Variants in CTBS observed in about 807,000 individuals in gnomAD.
CTBS encodes the protein di-N-acetylchitobiase.
Under a neutral mutation model 44.3 loss-of-function variants are expected in CTBS, and 35 were observed. The ratio of observed to expected loss-of-function variants is 0.79; its 90% CI spans 0.60 to 1.05. The LOEUF (loss-of-function observed/expected upper bound fraction) is 1.05, where lower values mean the gene tolerates loss of function less well. Ranked by LOEUF, CTBS falls within the 50% of genes least tolerant of loss-of-function variation. CTBS has a pLI of 0.00. For missense variants in CTBS, 458 were observed against 475.3 expected, an observed-to-expected ratio of 0.96 and a Z score of 0.34; for synonymous variants, 143 against 168.0, an observed-to-expected ratio of 0.85 and a Z score of 1.15.
At position 84,554,971 on chromosome 1, in the gene CTBS, T is replaced by C. The variant is rs775834132; in HGVS notation, c.*28A>G. 2 of 1,584,196 alleles carry C rather than the reference T, an allele frequency of 1.3e-6. No homozygotes were observed. The highest frequency in any genetic ancestry group is 2.2e-5 in the South Asian group (2 of 90,102). ...GATCTGTTGATACAGATCATCTTTC[T>C]AACTCTTAATGGTTTGACAAAAGAT... On this transcript the variant is annotated 3_prime_UTR_variant, in exon 7 of 7. Coordinates refer to ENST00000370630, the MANE Select transcript of CTBS (RefSeq NM_004388.3).
intron 1 of CTBS, among the ~76,000 whole-genome samples, chr1:84,573,298 A>G (rs552095429): frequency 6.6e-6 from 1 of 152,368 alleles, no homozygotes; most frequent in South Asian, 2.1e-4. Context: ...CCATGCTACT[A>G]AAGCAGACCT....
chr1:84,563,457 T>C, intron 5 of CTBS, 39 bp from the exon 6 acceptor site: 1 of 1,383,184 alleles, frequency 7.2e-7, no homozygotes, highest in Non-Finnish European at 9.5e-7. Context: ...TATTATCAAT[T>C]ATGCAATTCT....
In CTBS at chr1:84,551,033, G is replaced by C; in HGVS notation, c.*3966C>G. The C allele has an allele frequency of 1.0e-6, 1 of 985,232 alleles. No homozygotes were observed. Among genetic ancestry groups the C allele is most frequent in the Non-Finnish European group, 1.2e-6 (1 of 829,862 alleles). 61.0% of individuals were successfully genotyped at this position (985,232 alleles called of 1,614,324 possible). The stretch of plus-strand genomic sequence containing the variant: ...TTAGTTAACTTTGTTTCTCCCATGG[G>C]ACCTTTTGTATAGCAGATGCTTAGT... On this transcript the variant is annotated 3_prime_UTR_variant, in exon 7 of 7. Transcript: ENST00000370630.
intron 6 of CTBS, among the ~76,000 whole-genome samples, chr1:84,562,864 A>G (rs1338355844): frequency 1.3e-5 from 2 of 152,118 alleles, no homozygotes. Context: ...TCCCTATGTA[A>G]GTCTCATCAG....
At chr1:84,573,864 ATTCT>A in intron 1 of CTBS, 1 of 1,097,684 alleles carries the variant, frequency 9.1e-7, no homozygotes, top group Non-Finnish European at 1.1e-6. Flanking sequence ...GAGTGCTGAG[ATTCT>A]TTCAAACGAA....
intron 1 of CTBS, 40 bp downstream of exon 1, chr1:84,574,199 C>T (rs1386559881): frequency 6.3e-7 from 1 of 1,589,614 alleles, no homozygotes; most frequent in African/African-American, 1.3e-5. Context: ...CTCTTCGTGC[C>T]CTGAAGCCCA....
chr1:84,556,403 G>A (rs1684429640), intron 6 of CTBS, among the ~76,000 whole-genome samples: 1 of 152,236 alleles, frequency 6.6e-6, no homozygotes, highest in African/African-American at 2.4e-5. Context: ...CCTGGAATTA[G>A]AATAGTCTCT....
intron 3 of CTBS, among the ~76,000 whole-genome samples, chr1:84,567,899 C>T (rs1570474581): frequency 1.3e-5 from 2 of 152,128 alleles, no homozygotes; most frequent in South Asian, 4.1e-4. Flanking sequence ...AAACTAAATC[C>T]CTTGATACTG....
At position 84,550,914 on chromosome 1, in the gene CTBS, T is replaced by G; in HGVS notation, c.*4085A>C. On this transcript the variant is annotated 3_prime_UTR_variant, in exon 7 of 7. Transcript: ENST00000370630. ...ATTTTTTATGGGTAATCGTTTCATT[T>G]TTTCTGGTTATTTTCATATGTATTC... The G allele has an allele frequency of 3.1e-6, 3 of 978,714 alleles. No homozygotes were observed. The highest frequency in any genetic ancestry group is 3.6e-6 in the Non-Finnish European group (3 of 823,854). 60.6% of individuals were successfully genotyped at this position (978,714 alleles called of 1,614,324 possible). A position where few individuals can be genotyped will look rare whatever the true frequency, so the allele number is the denominator to read the frequency against.
chr1:84,570,047 C>A lies in CTBS; in HGVS notation c.409G>T (p.Gly137Ter), dbSNP rs1204795183. Reference protein sequence around the residue: ...LNLAKTQYMDGINIDIEQEVN... With the variant: ...LNLAKTQYMD The stretch of plus-strand genomic sequence containing the variant: ...TCTTGCTCTATATCTATATTAATTC[C>A]ATCCATATATTGTGTTTTGGCCAAA... Residue 137 changes from glycine (G) to a stop codon, truncating the protein, a stop_gained, in exon 3 of 7, where the codon GGA becomes TGA. Transcript: ENST00000370630. LOFTEE classifies it high-confidence loss of function. 2.5e-6 allele frequency: 4 copies of A among 1,613,340 alleles called. No homozygotes were observed. The African/African-American group carries it at 5.3e-5, about 22-fold the overall frequency.
rs904864743 is a variant in CTBS at position 84,553,513 on chromosome 1, CTTAAT to C, written c.*1481_*1485del. 5.3e-5 allele frequency: 8 copies of C among 152,108 alleles called. No individual in the cohort carries two copies. The highest frequency in any genetic ancestry group is 1.9e-4 in the African/African-American group (8 of 41,348). The allele number at this position is 152,108 out of a possible 1,614,324, so 9.4% of individuals were successfully genotyped here. On this transcript the variant is annotated 3_prime_UTR_variant, in exon 7 of 7. Transcript: ENST00000370630. ...GCATGAAAATACAGACTTCATTTAA[CTTAAT>C]TTGTTCATTATATCTTAATTAAAAG...
intron 6 of CTBS, among the ~76,000 whole-genome samples, chr1:84,562,611 T>A (rs1684616089): frequency 6.6e-6 from 1 of 152,180 alleles, no homozygotes; most frequent in Non-Finnish European, 1.5e-5. Flanking sequence ...GAAGAGCCTT[T>A]ATAATGCTAA....
chr1:84,565,291 A>C (rs1684669898), intron 4 of CTBS, among the ~76,000 whole-genome samples: 2 of 152,214 alleles, frequency 1.3e-5, no homozygotes, highest in Admixed American at 6.5e-5. Context: ...TTTGAAGAGG[A>C]TAATGCAAAG....
intron 3 of CTBS, among the ~76,000 whole-genome samples, chr1:84,568,682 G>C (rs538256060): frequency 6.6e-6 from 1 of 152,238 alleles, no homozygotes; most frequent in Non-Finnish European, 1.5e-5. Flanking sequence ...CCCAATGTTG[G>C]AGGTAGGGCC....
In CTBS at chr1:84,557,554, G is replaced by GAAA. The variant is rs1179521999; in HGVS notation, c.958-2358_958-2356dup. Among the ~76,000 whole-genome samples, 134 of 70,134 alleles carry GAAA rather than the reference G, an allele frequency of 1.9e-3. 1 individual carries two copies. Among genetic ancestry groups the GAAA allele is most frequent in the African/African-American group, 0.012 (126 of 10,606 alleles). 46.0% of individuals were successfully genotyped at this position (70,134 alleles called of 152,430 possible). On this transcript the variant is annotated intron_variant, in intron 6 of 6. Coordinates refer to ENST00000370630, the MANE Select transcript of CTBS (RefSeq NM_004388.3). ...ATCTCAAAAAAAAAAAAAAAAAAAAGAAAAAAAAAAAAAGAAGGAGGCTGG... is the reference window on the plus strand; with the variant it reads ...ATCTCAAAAAAAAAAAAAAAAAAAAGAAAAAAAAAAAAAAAAGAAGGAGGCTGG...
rs1647273810 is a variant in CTBS at position 84,570,578 on chromosome 1, A to G, written c.316+4T>C. 1 of 1,605,834 alleles carries G rather than the reference A, an allele frequency of 6.2e-7. No homozygotes were observed. ...CTGCACACATAGATCTGGAAACAAC[A>G]TACCTTTAAGTACTACTCTGGCTCC... On this transcript the variant is annotated splice_donor_region_variant and intron_variant, in intron 2 of 6. Coordinates refer to ENST00000370630, the MANE Select transcript of CTBS (RefSeq NM_004388.3).
At chr1:84,559,741 T>A (rs1222666544) in intron 6 of CTBS, among the ~76,000 whole-genome samples, 4 of 152,084 alleles carry the variant, frequency 2.6e-5, no homozygotes, top group Non-Finnish European at 4.4e-5. Context: ...TGAAGTGACA[T>A]TAAATGGCCT....
chr1:84,554,895 G>A lies in CTBS; in HGVS notation c.*104C>T. 1.2e-6 allele frequency: 1 copy of A among 801,738 alleles called. No homozygotes were observed. The highest frequency in any genetic ancestry group is 2.0e-6 in the Non-Finnish European group (1 of 512,054). 49.7% of individuals were successfully genotyped at this position (801,738 alleles called of 1,614,324 possible). ...AACATTTATTTATTCTTTTTTTTTA[G>A]TATACGGATAACAAAAGTATATAGC... On this transcript the variant is annotated 3_prime_UTR_variant, in exon 7 of 7. Coordinates refer to ENST00000370630, the MANE Select transcript of CTBS (RefSeq NM_004388.3).
At position 84,550,020 on chromosome 1, in the gene CTBS, A is replaced by T. The variant is rs1396316939; in HGVS notation, c.*4979T>A. ...AAACTTTTCTGGACAAAAACCAAAA[A>T]GTCTTCTTATTTTAAATAGGTTTTC... On this transcript the variant is annotated 3_prime_UTR_variant, in exon 7 of 7. Transcript: ENST00000370630. 2 of 152,010 alleles carry T rather than the reference A, an allele frequency of 1.3e-5. No homozygotes were observed. The highest frequency in any genetic ancestry group is 2.1e-4 in the South Asian group (1 of 4,836). The allele number at this position is 152,010 out of a possible 1,614,324, so 9.4% of individuals were successfully genotyped here.
Sources: allele counts gnomAD v4.1 joint callset (sites outside exome capture counted in the v4.1 genomes callset), GRCh38; gene constraint gnomAD v4.1.1; transcripts MANE v1.5; gene names NCBI Gene and HGNC (gene_info 2026-07-23, HGNC 2026-07-21).